Variants in FRY observed in about 807,000 individuals in gnomAD.
FRY encodes FRY microtubule binding protein.
A neutral mutation model predicts 348.4 loss-of-function variants in FRY; 128 were observed. The observed-to-expected ratio is 0.37, with a 90% CI of 0.32 to 0.43. The LOEUF (loss-of-function observed/expected upper bound fraction) is 0.43. Among genes scored for constraint, FRY ranks in the 20% least tolerant of loss-of-function variants. The pLI, the probability that FRY is intolerant of heterozygous loss-of-function variation, is 1.00. For missense variants in FRY, 2,736 were observed against 3,695.2 expected (o/e 0.74, Z 6.73); for synonymous variants, 1,370 against 1,374.7 (o/e 1.00, Z 0.08).
At chr13:32,117,697 T>C (rs1042857540) in intron 4 of FRY, among the ~76,000 whole-genome samples, 1 of 152,166 alleles carries the variant, frequency 6.6e-6, no homozygotes, top group South Asian at 2.1e-4. Flanking sequence ...ATTTCAACTT[T>C]GGTGGAGACA....
intron 1 of FRY, among the ~76,000 whole-genome samples, chr13:32,047,093 TTAAA>T (rs1873060642): frequency 6.6e-6 from 1 of 152,192 alleles, no homozygotes. Context: ...GTATATCTCT[TTAAA>T]TAAATATGTT....
chr13:32,275,054 G>T, intron 56 of FRY, 63 bp downstream of exon 56: 1 of 1,427,506 alleles, frequency 7.0e-7, no homozygotes, highest in South Asian at 1.1e-5. Context: ...CAGAACTTCA[G>T]GGTAGCATGT....
intron 51 of FRY, chr13:32,257,954 T>C (rs1364356864): frequency 2.5e-6 from 4 of 1,607,136 alleles, no homozygotes; most frequent in South Asian, 1.1e-5. Flanking sequence ...TCATTCAATC[T>C]GCTACCCAGG....
intron 1 of FRY, among the ~76,000 whole-genome samples, chr13:32,056,024 C>G (rs1384935496): frequency 6.6e-6 from 1 of 151,878 alleles, no homozygotes; most frequent in Non-Finnish European, 1.5e-5. Context: ...AACTCTGTCT[C>G]TACTAAAAAT....
At position 32,276,569 on chromosome 13, in the gene FRY, T is replaced by A; in HGVS notation, c.8385+7T>A. ...GAAAGAGGCCACACTCTCTGTAAGC[T>A]TTTGTGTTTCTATGCATATGCAGTC... On this transcript the variant is annotated splice_region_variant and intron_variant, in intron 57 of 60. Transcript: ENST00000542859. 6.7e-7 allele frequency: 1 copy of A among 1,482,650 alleles called. No individual in the cohort carries two copies. The highest frequency in any genetic ancestry group is 1.1e-5 in the South Asian group (1 of 88,394). 91.8% of individuals were successfully genotyped at this position (1,482,650 alleles called of 1,614,324 possible). A position where few individuals can be genotyped will look rare whatever the true frequency, so the allele number is the denominator to read the frequency against.
intron 2 of FRY, among the ~76,000 whole-genome samples, chr13:32,090,896 A>T (rs957555036): frequency 1.3e-5 from 2 of 152,096 alleles, no homozygotes; most frequent in African/African-American, 4.8e-5. Context: ...AACCACTGCA[A>T]ATAGGACAGA....
At chr13:32,088,401 T>C (rs1424493298) in intron 2 of FRY, among the ~76,000 whole-genome samples, 1 of 152,232 alleles carries the variant, frequency 6.6e-6, no homozygotes, top group African/African-American at 2.4e-5. Flanking sequence ...AGCTGTTTCT[T>C]AGCAAAACAG....
chr13:32,212,431 T>C (rs1303493677), intron 35 of FRY, 49 bp downstream of exon 35: 1 of 1,049,706 alleles, frequency 9.5e-7, no homozygotes, highest in Admixed American at 1.9e-5. Flanking sequence ...TCTGCAATAA[T>C]CTATACATAG....
At chr13:32,080,781 G>T (rs17634507) in intron 2 of FRY, among the ~76,000 whole-genome samples, 1 of 152,254 alleles carries the variant, frequency 6.6e-6, no homozygotes, top group East Asian at 1.9e-4. Context: ...AGAGAGAGTG[G>T]TGAGGCACAA....
Position 32,147,892 on chromosome 13 carries a change from T to TA in FRY, c.1338dup (p.Pro447ThrfsTer61), listed in dbSNP as rs1389126799. 6.2e-7 allele frequency: 1 copy of TA among 1,611,788 alleles called. No homozygotes were observed. The highest frequency in any genetic ancestry group is 8.5e-7 in the Non-Finnish European group (1 of 1,177,808). On this transcript the variant is annotated frameshift_variant, in exon 13 of 61. Transcript: ENST00000542859. LOFTEE classifies it high-confidence loss of function. ...TTCCCCAAAGGGTCCCGCGGTGTGG[T>TA]ACCAAGGGACATGCCTCTGAACATC... is the stretch of plus-strand genomic sequence containing the variant.
intron 48 of FRY, among the ~76,000 whole-genome samples, chr13:32,249,093 A>G (rs1886944126): frequency 6.6e-6 from 1 of 152,260 alleles, no homozygotes; most frequent in Non-Finnish European, 1.5e-5. Flanking sequence ...GAATAATTGA[A>G]AAGATATAAA....
At chr13:32,186,498 A>G in intron 27 of FRY, 78 bp downstream of exon 27, 2 of 942,982 alleles carry the variant, frequency 2.1e-6, no homozygotes, top group Non-Finnish European at 3.5e-6. Flanking sequence ...TGCCTTAAAA[A>G]TAAGCTTAAA....
intron 36 of FRY, among the ~76,000 whole-genome samples, chr13:32,222,755 C>T (rs1040503549): frequency 2.6e-5 from 4 of 152,198 alleles, no homozygotes; most frequent in Non-Finnish European, 5.9e-5. Context: ...AAATAGATAC[C>T]TATCATTGGG....
chr13:32,185,094 G>T lies in FRY; in HGVS notation c.3265G>T (p.Asp1089Tyr). ...ENDKEVEILK[D>Y]IRAHFSAMVA... Reference sequence around the variant, plus strand: ...TGACAAAGAAGTTGAAATTCTTAAAGATATCCGGGCACATTTTAGTGCAAT... The same window carrying T: ...TGACAAAGAAGTTGAAATTCTTAAATATATCCGGGCACATTTTAGTGCAAT... Residue 1089 changes from aspartate (D) to tyrosine (Y), a missense_variant, in exon 26 of 61, where the codon GAT becomes TAT. Physicochemically the swap from Asp to Tyr is radical, Grantham distance 160 (BLOSUM62 -3). Around this residue, in one of 9 missense-constraint regions of FRY, gnomAD observed 449 missense variants for 576.9 expected, o/e 0.78. Coordinates refer to ENST00000542859, the MANE Select transcript of FRY (RefSeq NM_023037.3). 1 of 1,614,048 alleles carries T rather than the reference G, an allele frequency of 6.2e-7. No homozygotes were observed. Among genetic ancestry groups the T allele is most frequent in the Non-Finnish European group, 8.5e-7 (1 of 1,179,922 alleles).
At chr13:32,238,769 G>T (rs544979096) in intron 44 of FRY, among the ~76,000 whole-genome samples, 1 of 152,254 alleles carries the variant, frequency 6.6e-6, no homozygotes, top group African/African-American at 2.4e-5. Context: ...GATTTTTAAT[G>T]CCATGGCATG....
chr13:32,268,486 TAAAAAAAAA>T (rs1163691921), intron 55 of FRY, among the ~76,000 whole-genome samples: 39 of 61,032 alleles, frequency 6.4e-4, no homozygotes, highest in African/African-American at 2.1e-3. Flanking sequence ...AAAGCTAGTT[TAAAAAAAAA>T]AAAAAAAAAA....
chr13:32,144,163 A>G (rs1880255734), intron 11 of FRY, among the ~76,000 whole-genome samples: 1 of 151,886 alleles, frequency 6.6e-6, no homozygotes, highest in Admixed American at 6.6e-5. Flanking sequence ...TTAAGTAACT[A>G]AAACATTTGA....
At chr13:32,047,669 C>T (rs1873101621) in intron 1 of FRY, among the ~76,000 whole-genome samples, 1 of 151,210 alleles carries the variant, frequency 6.6e-6, no homozygotes, top group Non-Finnish European at 1.5e-5. Context: ...CTCCTGGGTT[C>T]AAGTGATTCT....
intron 16 of FRY, among the ~76,000 whole-genome samples, chr13:32,158,400 A>G (rs205003): frequency 0.69 from 104,951 of 151,978 alleles, 36,672 homozygotes; most frequent in East Asian, 0.98. Flanking sequence ...CCTGCAGCTC[A>G]CCAATTACTC....
Sources: gnomAD v4.1 joint callset for allele counts (sites outside exome capture counted in the v4.1 genomes callset) on GRCh38, gnomAD v4.1.1 for gene constraint, gnomAD v4.1.1 regional missense constraint, MANE v1.5 for transcripts, NCBI Gene and HGNC (gene_info 2026-07-23, HGNC 2026-07-21) for gene names.